The following TMEM116 variants were observed in gnomAD, a reference collection of about 807,000 sequenced individuals.
TMEM116 encodes transmembrane protein 116.
A neutral mutation model predicts 44.3 loss-of-function variants in TMEM116; 38 were observed. That is an observed-to-expected ratio of 0.86 (90% CI 0.66 to 1.12). The LOEUF (loss-of-function observed/expected upper bound fraction) is 1.12, where lower values mean the gene tolerates loss of function less well. TMEM116 is among the 50% of genes most tolerant of loss of function. The probability of loss-of-function intolerance (pLI) is 0.00; values close to 1 mark genes in which losing one functional copy is unlikely to be tolerated. For synonymous variants in TMEM116, 132 were observed against 144.8 expected (o/e 0.91, Z 0.64); for missense variants, 354 against 401.7 (o/e 0.88, Z 1.01).
At chr12:111,979,232 C>T (rs939161647) in intron 4 of TMEM116, among the ~76,000 whole-genome samples, 17 of 152,042 alleles carry the variant, frequency 1.1e-4, no homozygotes, top group African/African-American at 3.9e-4. Context: ...GAAAACAACC[C>T]TCACGTTTAT....
At chr12:111,970,257 C>T (rs2136451040) in intron 4 of TMEM116, among the ~76,000 whole-genome samples, 2 of 151,040 alleles carry the variant, frequency 1.3e-5, no homozygotes, top group African/African-American at 4.9e-5. Flanking sequence ...ACCCTACACC[C>T]TGGGTGACAG....
chr12:112,008,240 T>C (rs866387909), intron 1 of TMEM116, among the ~76,000 whole-genome samples: 19 of 152,162 alleles, frequency 1.2e-4, no homozygotes, highest in African/African-American at 3.6e-4. Flanking sequence ...CCCAACACTT[T>C]CGGAGGCCGA....
At chr12:111,994,443 C>T (rs1036016853) in intron 3 of TMEM116, among the ~76,000 whole-genome samples, 1 of 152,100 alleles carries the variant, frequency 6.6e-6, no homozygotes, top group Non-Finnish European at 1.5e-5. Flanking sequence ...GGGTCCAGGG[C>T]GTCACCGCCT....
intron 4 of TMEM116, among the ~76,000 whole-genome samples, chr12:111,961,544 C>T (rs1269416266): frequency 1.3e-5 from 2 of 152,182 alleles, no homozygotes; most frequent in Admixed American, 1.3e-4. Flanking sequence ...AAACGTAACC[C>T]ATCACATAAA....
chr12:111,959,734 C>T (rs1565902837), intron 4 of TMEM116, among the ~76,000 whole-genome samples: 1 of 152,022 alleles, frequency 6.6e-6, no homozygotes, highest in African/African-American at 2.4e-5. Context: ...TTAAACCAAA[C>T]CAACAAAGAT....
chr12:111,931,563 C>T lies in TMEM116; in HGVS notation c.*58G>A, dbSNP rs1217017153. The T allele has an allele frequency of 6.5e-7, 1 of 1,529,438 alleles. No homozygotes were observed. Among genetic ancestry groups the T allele is most frequent in the Non-Finnish European group, 9.0e-7 (1 of 1,106,152 alleles). 94.7% of individuals were successfully genotyped at this position (1,529,438 alleles called of 1,614,324 possible). ...ATTTAAGATGTCCTTTCCCAACATTCTTTCCAATCCATTAGCGTAGAATAA... is the reference window on the plus strand; with the variant it reads ...ATTTAAGATGTCCTTTCCCAACATTTTTTCCAATCCATTAGCGTAGAATAA... On this transcript the variant is annotated 3_prime_UTR_variant, in exon 11 of 11. Transcript: ENST00000552374.
intron 4 of TMEM116, among the ~76,000 whole-genome samples, chr12:111,967,429 G>T (rs912907097): frequency 5.9e-5 from 9 of 151,962 alleles, no homozygotes; most frequent in African/African-American, 1.9e-4. Flanking sequence ...AGGCTTATCA[G>T]AAGAAAAGAC....
intron 4 of TMEM116, among the ~76,000 whole-genome samples, chr12:111,969,880 T>C (rs949642395): frequency 2.6e-5 from 4 of 152,226 alleles, no homozygotes; most frequent in Admixed American, 2.0e-4. Flanking sequence ...GCGCCTGGCC[T>C]GAGATTTTTT....
intron 8 of TMEM116, 170 bp from the exon 9 acceptor site, chr12:111,934,200 CT>C (rs1454838813): frequency 9.1e-6 from 7 of 766,978 alleles, no homozygotes; most frequent in Middle Eastern, 3.9e-4. Context: ...AGAAAATTAC[CT>C]TCAGAGTGAA....
chr12:111,963,558 CAACT>C (rs1055159003), intron 4 of TMEM116, among the ~76,000 whole-genome samples: 3 of 152,058 alleles, frequency 2.0e-5, no homozygotes, highest in Non-Finnish European at 4.4e-5. Context: ...TCATTCCCAG[CAACT>C]AACACAAGAA....
chr12:111,994,138 T>G (rs2076788370), intron 3 of TMEM116, among the ~76,000 whole-genome samples: 1 of 152,224 alleles, frequency 6.6e-6, no homozygotes, highest in Admixed American at 6.5e-5. Context: ...TTCATATATT[T>G]GACAGTGTAG....
intron 1 of TMEM116, among the ~76,000 whole-genome samples, chr12:112,008,165 C>A (rs60998439): frequency 0.092 from 14,034 of 152,074 alleles, 715 homozygotes; most frequent in East Asian, 0.23. Flanking sequence ...CCAGCCTGAG[C>A]GACAGAGTGA....
At position 111,936,808 on chromosome 12, in the gene TMEM116, G is replaced by A; in HGVS notation, c.472C>T (p.Pro158Ser). The change falls in exon 8 of 11, where the codon CCA becomes TCA. Residue 158 changes from proline to serine, a missense_variant. Physicochemically the swap from Pro to Ser is moderately conservative, Grantham distance 74. Transcript: ENST00000552374. ...SHKCILMHSP[P>S]SAMAELPPSA... ...GGTGGAAGTTCAGCCATGGCTGATGGTGGTGAGTGCATCAAGATACACCTA... is the reference window on the plus strand; with the variant it reads ...GGTGGAAGTTCAGCCATGGCTGATGATGGTGAGTGCATCAAGATACACCTA... The A allele has an allele frequency of 6.2e-7, 1 of 1,609,722 alleles. No homozygotes were observed. Among genetic ancestry groups the A allele is most frequent in the Middle Eastern group, 1.7e-4 (1 of 6,048 alleles).
Position 111,934,042 on chromosome 12 carries a change from T to C in TMEM116, c.589-12A>G. 6.2e-7 allele frequency: 1 copy of C among 1,613,886 alleles called. No homozygotes were observed. ...CGGATAAGTAAGACCTAAATATGAG[T>C]ACAGCAGTGAGCAGTTTGCTTAAAG... On this transcript the variant is annotated splice_polypyrimidine_tract_variant and intron_variant, in intron 8 of 10. Transcript: ENST00000552374.
At chr12:111,977,642 T>C (rs1401449815) in intron 4 of TMEM116, among the ~76,000 whole-genome samples, 7 of 151,966 alleles carry the variant, frequency 4.6e-5, no homozygotes, top group Non-Finnish European at 1.0e-4. Context: ...AAGGAATAAA[T>C]AAAGCTCAAA....
chr12:111,983,498 G>C (rs1366084846), intron 4 of TMEM116, among the ~76,000 whole-genome samples: 1 of 151,958 alleles, frequency 6.6e-6, no homozygotes, highest in Non-Finnish European at 1.5e-5. Flanking sequence ...GCGGGGGTCT[G>C]AGGTGGGAGG....
chr12:111,936,132 C>A (rs2072145472), intron 8 of TMEM116: 2 of 152,098 alleles, frequency 1.3e-5, no homozygotes, highest in Admixed American at 1.3e-4. Flanking sequence ...CATATTTGCT[C>A]ATTTACTGCT....
At chr12:111,993,856 GA>G in intron 3 of TMEM116, 2 of 751,084 alleles carry the variant, frequency 2.7e-6, no homozygotes, top group Non-Finnish European at 2.5e-6. Flanking sequence ...GTTGAATAAA[GA>G]AAAAGGTAGC....
chr12:111,966,046 C>T (rs1469963115), intron 4 of TMEM116, among the ~76,000 whole-genome samples: 1 of 152,198 alleles, frequency 6.6e-6, no homozygotes, highest in East Asian at 1.9e-4. Flanking sequence ...GTGGCTCATG[C>T]CTGTAATCCC....
Sources: gnomAD v4.1 joint callset for allele counts (sites outside exome capture counted in the v4.1 genomes callset) on GRCh38, gnomAD v4.1.1 for gene constraint, MANE v1.5 for transcripts, NCBI Gene and HGNC (gene_info 2026-07-23, HGNC 2026-07-21) for gene names.